Variants in STAT4 observed in about 807,000 individuals in gnomAD.
The protein encoded by STAT4 is signal transducer and activator of transcription 4.
Under a neutral mutation model 110.5 loss-of-function variants are expected in STAT4, and 42 were observed. The ratio of observed to expected loss-of-function variants is 0.38; its 90% CI spans 0.30 to 0.49. The LOEUF is 0.49. Among genes scored for constraint, STAT4 ranks in the 20% least tolerant of loss-of-function variants. The pLI is 0.95. For synonymous variants in STAT4, 284 were observed against 302.2 expected (o/e 0.94, Z 0.63); for missense variants, 632 against 887.9 (o/e 0.71, Z 3.66).
intron 13 of STAT4, among the ~76,000 whole-genome samples, chr2:191,055,431 G>A (rs1326639710): frequency 2.7e-5 from 4 of 148,014 alleles, no homozygotes; most frequent in Non-Finnish European, 5.9e-5. Flanking sequence ...GTGTTAGCCA[G>A]GATGGTCTCG....
In STAT4 at chr2:191,112,778, C is replaced by T. The variant is rs537800997; in HGVS notation, c.273+33835G>A. On this transcript the variant is annotated intron_variant, in intron 3 of 23. Transcript: ENST00000392320. This position sits in a 1 kb window ranked among gnomAD's most constrained non-coding sequence, Gnocchi z 4.3. ...GGTAGATGTGGAAGCAGAACAATGA[C>T]GCTCTGTCTTCAAGTCTAGAGCTCT... 4.6e-5 allele frequency among the ~76,000 whole-genome samples: 7 copies of T among 152,276 alleles called. No individual in the cohort carries two copies. Among genetic ancestry groups the T allele is most frequent in the East Asian group, 1.9e-4 (1 of 5,182 alleles).
rs1311208885 is a variant in STAT4, at chr2:191,143,329, C to T, written c.273+3284G>A. ...GTGAGGAAAGTACCAGTGTGATTGC[C>T]CCTTACACTGCTGAGGAAACTGAGG... On this transcript the variant is annotated intron_variant, in intron 3 of 23. Coordinates refer to ENST00000392320, the MANE Select transcript of STAT4 (RefSeq NM_003151.4). The surrounding 1 kb of genome is among the most constrained non-coding windows in gnomAD (Gnocchi z 5.6). Among the ~76,000 whole-genome samples the T allele has an allele frequency of 7.9e-5, 12 of 152,146 alleles. 1 individual carries two copies. The highest frequency in any genetic ancestry group is 7.9e-4 in the Admixed American group (12 of 15,272).
At chr2:191,131,622 A>G in intron 3 of STAT4, 1 of 517,876 alleles carries the variant, frequency 1.9e-6, no homozygotes, top group East Asian at 3.6e-5. Context: ...GCGGAAAGAG[A>G]GCAGAGTGGT....
chr2:191,088,646 G>A (rs2125302378), intron 3 of STAT4, among the ~76,000 whole-genome samples: 1 of 152,278 alleles, frequency 6.6e-6, no homozygotes, highest in Middle Eastern at 3.4e-3. Flanking sequence ...GAAAACCAAA[G>A]TTGAAGTGAC....
chr2:191,074,158 C>T lies in STAT4; in HGVS notation c.373-968G>A, dbSNP rs190619372. 9.8e-4 allele frequency among the ~76,000 whole-genome samples: 149 copies of T among 152,226 alleles called. 1 individual carries two copies. Among genetic ancestry groups the T allele is most frequent in the African/African-American group, 3.3e-3 (135 of 41,530 alleles). On this transcript the variant is annotated intron_variant, in intron 4 of 23. Transcript: ENST00000392320. ...AAAAAGACAGTTCCTCCAAGCAGAA[C>T]GTCTTAGCTACTCTAATAATCTGAT...
rs1698594835 is a variant in STAT4 at position 191,117,214 on chromosome 2, A to T, written c.273+29399T>A. Among the ~76,000 whole-genome samples, 1 of 152,234 alleles carries T rather than the reference A, an allele frequency of 6.6e-6. No homozygotes were observed. Among genetic ancestry groups the T allele is most frequent in the African/African-American group, 2.4e-5 (1 of 41,466 alleles). ...AGAATTACCTGAGCTGCTCAGTCCC[A>T]CAACAAATCAAAAATGGTATCAAGG... is the stretch of plus-strand genomic sequence containing the variant. On this transcript the variant is annotated intron_variant, in intron 3 of 23. Coordinates refer to ENST00000392320, the MANE Select transcript of STAT4 (RefSeq NM_003151.4). This position sits in a 1 kb window ranked among gnomAD's most constrained non-coding sequence, Gnocchi z 5.2.
In STAT4 at chr2:191,033,708, T is replaced by C; in HGVS notation, c.1716-82A>G. On this transcript the variant is annotated intron_variant, in intron 19 of 23. Transcript: ENST00000392320. The surrounding 1 kb of genome is among the most constrained non-coding windows in gnomAD (Gnocchi z 6.9). ...ATTTACAAAGACCTACAGTTTGTTT[T>C]GAGTGTAATCAAAAGTCATTCTTAC... is the stretch of plus-strand genomic sequence containing the variant. The C allele has an allele frequency of 6.4e-7, 1 of 1,551,066 alleles. No individual in the cohort carries two copies. Among genetic ancestry groups the C allele is most frequent in the South Asian group, 1.2e-5 (1 of 80,662 alleles).
At chr2:191,064,005 GT>G (rs1396593830) in intron 8 of STAT4, among the ~76,000 whole-genome samples, 1 of 152,052 alleles carries the variant, frequency 6.6e-6, no homozygotes. Flanking sequence ...CAATCAAATA[GT>G]TTTATTTTGC....
rs561897617 is a variant in STAT4, at chr2:191,146,772, G to T, written c.129-15C>A. ...AAGCTGCCTCCCTAAAAAAAAAAAG[G>T]ATTATTACACAACAGAAAACAACTT... On this transcript the variant is annotated splice_polypyrimidine_tract_variant and intron_variant, in intron 2 of 23. Transcript: ENST00000392320. This position sits in a 1 kb window ranked among gnomAD's most constrained non-coding sequence, Gnocchi z 4.5. 7.2e-6 allele frequency: 11 copies of T among 1,521,716 alleles called. No homozygotes were observed. In the East Asian group the frequency reaches 1.9e-4, roughly 26 times the overall value. 94.3% of individuals were successfully genotyped at this position (1,521,716 alleles called of 1,614,324 possible).
upstream of STAT4, chr2:191,151,384 A>C (rs190324596): frequency 4.1e-6 from 4 of 985,662 alleles, no homozygotes; most frequent in Non-Finnish European, 4.8e-6. This position sits in a 1 kb window ranked among gnomAD's most constrained non-coding sequence, Gnocchi z 4.7. Context: ...GGCTCCACTC[A>C]GCCTGGTGAA....
chr2:191,071,402 GA>G (rs1156442030), intron 5 of STAT4, among the ~76,000 whole-genome samples: 2 of 152,158 alleles, frequency 1.3e-5, no homozygotes, highest in African/African-American at 4.8e-5. Flanking sequence ...ACATGCATGA[GA>G]AAATGTACAA....
intron 14 of STAT4, among the ~76,000 whole-genome samples, chr2:191,044,747 T>A (rs957307430): frequency 6.6e-6 from 1 of 152,188 alleles, no homozygotes; most frequent in Non-Finnish European, 1.5e-5. Flanking sequence ...CCCAGAGCGA[T>A]GTTGCCAAGA....
intron 3 of STAT4, among the ~76,000 whole-genome samples, chr2:191,078,150 T>G (rs993945325): frequency 1.3e-5 from 2 of 152,140 alleles, no homozygotes; most frequent in Non-Finnish European, 2.9e-5. Context: ...GCTATTCATG[T>G]AAACTTGAAA....
At position 191,116,388 on chromosome 2, in the gene STAT4, CAGCCTAGTTATAATA is replaced by C. The variant is rs1698572750; in HGVS notation, c.273+30210_273+30224del. On this transcript the variant is annotated intron_variant, in intron 3 of 23. Coordinates refer to ENST00000392320, the MANE Select transcript of STAT4 (RefSeq NM_003151.4). The surrounding 1 kb of genome is among the most constrained non-coding windows in gnomAD (Gnocchi z 4.1). Reference sequence around the variant, plus strand: ...AGCTAAAATTTAGATAAAGAAGAATCAGCCTAGTTATAATAAAATAGCCCAAGGAAAGTTGAGAAA... The same window carrying C: ...AGCTAAAATTTAGATAAAGAAGAATCAAATAGCCCAAGGAAAGTTGAGAAA... Among the ~76,000 whole-genome samples, 1 of 152,144 alleles carries C rather than the reference CAGCCTAGTTATAATA, an allele frequency of 6.6e-6. No individual in the cohort carries two copies. The highest frequency in any genetic ancestry group is 6.5e-5 in the Admixed American group (1 of 15,272).
intron 3 of STAT4, among the ~76,000 whole-genome samples, chr2:191,145,392 G>A (rs1009858559): frequency 2.6e-5 from 4 of 152,084 alleles, no homozygotes; most frequent in African/African-American, 9.7e-5. Flanking sequence ...TGGGCCATAT[G>A]AAAATGGGCA....
intron 3 of STAT4, among the ~76,000 whole-genome samples, chr2:191,145,015 A>T (rs1699426355): frequency 6.6e-6 from 1 of 152,164 alleles, no homozygotes; most frequent in Admixed American, 6.5e-5. Flanking sequence ...TAGCAAAGTG[A>T]CCTATGGACT....
At position 191,039,165 on chromosome 2, in the gene STAT4, G is replaced by C; in HGVS notation, c.1434+34C>G. 1 of 1,579,352 alleles carries C rather than the reference G, an allele frequency of 6.3e-7. No individual in the cohort carries two copies. The highest frequency in any genetic ancestry group is 8.7e-7 in the Non-Finnish European group (1 of 1,148,234). ...TGTTGGCAATAAAACAAATCGAATAGCATTAAAGAAGTTGAGGTAGAAATA... is the reference window on the plus strand; with the variant it reads ...TGTTGGCAATAAAACAAATCGAATACCATTAAAGAAGTTGAGGTAGAAATA... On this transcript the variant is annotated intron_variant, in intron 16 of 23. Coordinates refer to ENST00000392320, the MANE Select transcript of STAT4 (RefSeq NM_003151.4). This position sits in a 1 kb window ranked among gnomAD's most constrained non-coding sequence, Gnocchi z 4.7.
Position 191,086,974 on chromosome 2 carries a change from T to G in STAT4, c.274-10649A>C, listed in dbSNP as rs1697651026. Among the ~76,000 whole-genome samples, 1 of 152,184 alleles carries G rather than the reference T, an allele frequency of 6.6e-6. No homozygotes were observed. Among genetic ancestry groups the G allele is most frequent in the Non-Finnish European group, 1.5e-5 (1 of 68,024 alleles). On this transcript the variant is annotated intron_variant, in intron 3 of 23. Transcript: ENST00000392320. This position sits in a 1 kb window ranked among gnomAD's most constrained non-coding sequence, Gnocchi z 5.5. Reference sequence around the variant, plus strand: ...GATTGCAGTGGCAATCTGAAGTGCCTCAGAGGCTCTAGAAAACTAGTATAG... The same window carrying G: ...GATTGCAGTGGCAATCTGAAGTGCCGCAGAGGCTCTAGAAAACTAGTATAG...
Position 191,090,653 on chromosome 2 carries a change from T to C in STAT4, c.274-14328A>G, listed in dbSNP as rs1423312701. On this transcript the variant is annotated intron_variant, in intron 3 of 23. Coordinates refer to ENST00000392320, the MANE Select transcript of STAT4 (RefSeq NM_003151.4). This position sits in a 1 kb window ranked among gnomAD's most constrained non-coding sequence, Gnocchi z 4.2. ...TCCGCCCACTGCAACCTCTGCCTCC[T>C]GAGTTCATGCCATTCTCCTGCCTCA... 6.6e-6 allele frequency among the ~76,000 whole-genome samples: 1 copy of C among 152,142 alleles called. No homozygotes were observed. The highest frequency in any genetic ancestry group is 2.4e-5 in the African/African-American group (1 of 41,434).
Sources: gnomAD v4.1 joint callset for allele counts (sites outside exome capture counted in the v4.1 genomes callset) on GRCh38, gnomAD v4.1.1 for gene constraint, Gnocchi (gnomAD v3.1) non-coding constraint, MANE v1.5 for transcripts, NCBI Gene and HGNC (gene_info 2026-07-23, HGNC 2026-07-21) for gene names.